Variants in VIM observed in about 807,000 individuals in gnomAD.
The protein encoded by VIM is vimentin, also known as epididymis secretory sperm binding protein.
VIM carries 18 observed loss-of-function variants against 50.3 expected under a neutral mutation model. The ratio of observed to expected loss-of-function variants is 0.36; its 90% CI spans 0.25 to 0.53. The LOEUF is 0.53. VIM is among the 20% of genes least tolerant of loss of function. The probability of loss-of-function intolerance (pLI) is 0.91; values close to 1 mark genes in which losing one functional copy is unlikely to be tolerated. For missense variants in VIM, 551 were observed against 614.7 expected (o/e 0.90, Z 1.10); for synonymous variants, 245 against 248.5 (o/e 0.99, Z 0.13).
At chr10:17,230,578 G>A (rs748744228) in intron 2 of VIM, 72 bp from the exon 3 acceptor site, 1 of 1,523,886 alleles carries the variant, frequency 6.6e-7, no homozygotes. Context: ...GCGAATACGT[G>A]GTGTTTGGGT....
At chr10:17,233,478 T>C in intron 3 of VIM, 109 bp from the exon 4 acceptor site, 1 of 1,111,010 alleles carries the variant, frequency 9.0e-7, no homozygotes, top group Non-Finnish European at 1.3e-6. Context: ...GTCAACGGCT[T>C]TTCTATAGTA....
At chr10:17,236,026 G>C in intron 8 of VIM, 137 bp downstream of exon 8, 1 of 962,512 alleles carries the variant, frequency 1.0e-6, no homozygotes, top group Non-Finnish European at 1.6e-6. Context: ...TATAATTTTC[G>C]AACCCAAGTA....
At chr10:17,235,134 G>A (rs1307830620) in intron 6 of VIM, 35 bp from the exon 7 acceptor site, 1 of 1,611,420 alleles carries the variant, frequency 6.2e-7, no homozygotes, top group Admixed American at 1.7e-5. Context: ...GTTTTTCTGA[G>A]AAATAACACC....
At chr10:17,230,535 G>A (rs956517650) in intron 2 of VIM, 115 bp from the exon 3 acceptor site, 6 of 1,193,554 alleles carry the variant, frequency 5.0e-6, no homozygotes, top group Non-Finnish European at 7.5e-6. Flanking sequence ...CGCTAGTTGC[G>A]CGGAGGTGGC....
chr10:17,231,450 T>C (rs1846797148), intron 3 of VIM, among the ~76,000 whole-genome samples: 1 of 152,190 alleles, frequency 6.6e-6, no homozygotes, highest in Non-Finnish European at 1.5e-5. Context: ...CTGGCAAATG[T>C]GGTGGCTCTG....
intron 5 of VIM, 121 bp downstream of exon 5, chr10:17,234,052 C>T (rs1846844543): frequency 2.2e-5 from 30 of 1,370,378 alleles, no homozygotes; most frequent in South Asian, 1.3e-4. Context: ...TGACTTCTTG[C>T]TCATATTGTG....
chr10:17,232,303 G>C (rs1340467284), intron 3 of VIM, among the ~76,000 whole-genome samples: 1 of 152,182 alleles, frequency 6.6e-6, no homozygotes, highest in Non-Finnish European at 1.5e-5. Flanking sequence ...AGACCGTAAG[G>C]CTATGAACTC....
At chr10:17,232,852 C>T (rs933109755) in intron 3 of VIM, among the ~76,000 whole-genome samples, 6 of 152,194 alleles carry the variant, frequency 3.9e-5, no homozygotes. Flanking sequence ...GAAAATTTGT[C>T]CACCTCTATC....
intron 3 of VIM, among the ~76,000 whole-genome samples, chr10:17,232,557 A>T (rs1324895381): frequency 6.6e-6 from 1 of 152,250 alleles, no homozygotes; most frequent in Non-Finnish European, 1.5e-5. Flanking sequence ...CCTTTACAGG[A>T]TGAGTCAAAG....
In VIM at chr10:17,234,620, A is replaced by G; in HGVS notation, c.883-73A>G. The G allele has an allele frequency of 1.9e-6, 3 of 1,598,560 alleles. No homozygotes were observed. The South Asian group carries it at 3.3e-5, about 18-fold the overall frequency. Reference sequence around the variant, plus strand: ...TACTGGAAGACATTCAGTGAGAAATATGATTTTTTTTTTCTAAGAGAGTCA... The same window carrying G: ...TACTGGAAGACATTCAGTGAGAAATGTGATTTTTTTTTTCTAAGAGAGTCA... On this transcript the variant is annotated intron_variant, in intron 5 of 9. Coordinates refer to ENST00000544301, the MANE Select transcript of VIM (RefSeq NM_003380.5).
intron 3 of VIM, 77 bp downstream of exon 3, chr10:17,230,787 A>G (rs1846777631): frequency 1.9e-6 from 3 of 1,566,746 alleles, no homozygotes; most frequent in Non-Finnish European, 8.8e-7. Context: ...AAAGTTGCTT[A>G]ACTCACGTCT....
chr10:17,235,040 C>A, intron 6 of VIM, 129 bp from the exon 7 acceptor site: 1 of 1,217,684 alleles, frequency 8.2e-7, no homozygotes. Context: ...TACTCGCATT[C>A]TCCACCTAAA....
At chr10:17,235,439 G>C in intron 7 of VIM, 50 bp downstream of exon 7, 1 of 1,590,914 alleles carries the variant, frequency 6.3e-7, no homozygotes, top group Admixed American at 1.7e-5. Context: ...CATTTGTTAG[G>C]CCCTGTGCCA....
At chr10:17,233,410 A>G in intron 3 of VIM, 177 bp from the exon 4 acceptor site, 2 of 627,882 alleles carry the variant, frequency 3.2e-6, no homozygotes, top group South Asian at 3.7e-5. Context: ...AGCAGGAGAA[A>G]GCACAGCATA....
At position 17,230,416 on chromosome 10, in the gene VIM, G is replaced by T. The variant is rs74120323; in HGVS notation, c.564-234G>T. On this transcript the variant is annotated intron_variant, in intron 2 of 9. Coordinates refer to ENST00000544301, the MANE Select transcript of VIM (RefSeq NM_003380.5). ...AAAGGGATGGTCCCTCGGGGGCGGG[G>T]ATGGCGGGGCTGTCCTGTAGGTCTG... 451 of 603,526 alleles carry T rather than the reference G, an allele frequency of 7.5e-4. 1 individual carries two copies. Among genetic ancestry groups the T allele is most frequent in the African/African-American group, 7.3e-3 (397 of 54,260 alleles). The allele number at this position is 603,526 out of a possible 1,614,324, so 37.4% of individuals were successfully genotyped here. A position where few individuals can be genotyped will look rare whatever the true frequency, so the allele number is the denominator to read the frequency against.
chr10:17,233,998 GT>G, intron 5 of VIM, 67 bp downstream of exon 5: 1 of 1,553,490 alleles, frequency 6.4e-7, no homozygotes. Flanking sequence ...CCATACCTGT[GT>G]GTGATTCCTA....
intron 3 of VIM, among the ~76,000 whole-genome samples, chr10:17,232,027 C>T (rs1192354252): frequency 6.6e-6 from 1 of 152,126 alleles, no homozygotes; most frequent in African/African-American, 2.4e-5. Context: ...ATTATCATAC[C>T]TGTCATGTTT....
chr10:17,232,272 T>G (rs1034076600), intron 3 of VIM, among the ~76,000 whole-genome samples: 3 of 152,238 alleles, frequency 2.0e-5, no homozygotes, highest in Non-Finnish European at 4.4e-5. Context: ...ACTAAGGTGA[T>G]AGAAAAGTCT....
rs369397238 is a variant in VIM at position 17,233,132 on chromosome 10, G to GAGAC, written c.625-454_625-451dup. ...CCAGCTAATTTTTGTATTTTTGGTA[G>GAGAC]AGACGGGGTTTCGCCATGTTGGCTA... On this transcript the variant is annotated intron_variant, in intron 3 of 9. Transcript: ENST00000544301. 106 of 214,198 alleles carry GAGAC rather than the reference G, an allele frequency of 4.9e-4. 1 individual carries two copies. The highest frequency in any genetic ancestry group is 2.5e-3 in the African/African-American group (104 of 42,384). 13.3% of individuals were successfully genotyped at this position (214,198 alleles called of 1,614,324 possible).
Sources: allele counts gnomAD v4.1 joint callset (sites outside exome capture counted in the v4.1 genomes callset), GRCh38; gene constraint gnomAD v4.1.1; transcripts MANE v1.5; gene names NCBI Gene and HGNC (gene_info 2026-07-23, HGNC 2026-07-21).